Variants in CLVS1 observed in about 807,000 individuals in gnomAD.
CLVS1 encodes clavesin-1.
A neutral mutation model predicts 33.1 loss-of-function variants in CLVS1; 10 were observed. The observed-to-expected ratio is 0.30, with a 90% CI of 0.19 to 0.51. The LOEUF (loss-of-function observed/expected upper bound fraction) is 0.51. CLVS1 is among the 20% of genes least tolerant of loss of function. The pLI, the probability that CLVS1 is intolerant of heterozygous loss-of-function variation, is 0.97. For synonymous variants in CLVS1, 163 were observed against 166.1 expected (o/e 0.98, Z 0.14); for missense variants, 343 against 433.4 (o/e 0.79, Z 1.85).
At chr8:60,969,232 G>C in the CLVS1 span, among the ~76,000 whole-genome samples, 3 of 152,206 alleles carry the variant, frequency 2.0e-5, no homozygotes, top group African/African-American at 7.2e-5. Context: ...GTGGAACAGG[G>C]GTTGGGGGTT....
intron 1 of CLVS1, 98 bp from the exon 2 acceptor site, chr8:61,299,579 C>A (rs1471664245): frequency 2.1e-6 from 1 of 481,674 alleles, no homozygotes. Context: ...AGACCCACAG[C>A]CTAATATACT....
At chr8:61,473,280 T>A (rs1346393446) in intron 5 of CLVS1, among the ~76,000 whole-genome samples, 2 of 143,608 alleles carry the variant, frequency 1.4e-5, no homozygotes, top group Non-Finnish European at 3.0e-5. Flanking sequence ...TTCCATCACA[T>A]TAAAAATCCC....
At chr8:61,042,912 T>C in the CLVS1 span, among the ~76,000 whole-genome samples, 4 of 152,208 alleles carry the variant, frequency 2.6e-5, no homozygotes, top group African/African-American at 9.7e-5. Flanking sequence ...GGCAAATGTA[T>C]ACTGTAGGAA....
chr8:61,329,857 A>T (rs745710303), intron 2 of CLVS1, among the ~76,000 whole-genome samples: 2 of 152,186 alleles, frequency 1.3e-5, no homozygotes, highest in Non-Finnish European at 2.9e-5. Context: ...TGCTTTAATA[A>T]GAATTTCTTG....
intron 1 of CLVS1, among the ~76,000 whole-genome samples, chr8:61,066,585 C>G (rs1052450850): frequency 6.6e-6 from 1 of 152,172 alleles, no homozygotes; most frequent in Non-Finnish European, 1.5e-5. Context: ...TCCTTCTCTA[C>G]CCCACCTCCT....
At chr8:61,160,257 A>G (rs1224661224) in intron 2 of CLVS1, among the ~76,000 whole-genome samples, 1 of 152,236 alleles carries the variant, frequency 6.6e-6, no homozygotes, top group Admixed American at 6.5e-5. Flanking sequence ...ATCAGTACCA[A>G]TATTAAGTCA....
At chr8:61,486,342 C>A (rs2129608415) in intron 5 of CLVS1, among the ~76,000 whole-genome samples, 1 of 152,058 alleles carries the variant, frequency 6.6e-6, no homozygotes, top group Middle Eastern at 3.4e-3. Flanking sequence ...AATTAATGGG[C>A]AAAGAGGGAC....
intron 1 of CLVS1, among the ~76,000 whole-genome samples, chr8:61,117,583 G>T (rs1419498677): frequency 6.7e-6 from 1 of 149,186 alleles, no homozygotes; most frequent in South Asian, 2.1e-4. Flanking sequence ...TAGCATGAAG[G>T]GTTGTTGAAT....
chr8:61,256,317 A>G (rs904905285), intron 2 of CLVS1, among the ~76,000 whole-genome samples: 1 of 152,232 alleles, frequency 6.6e-6, no homozygotes. Flanking sequence ...GATCAAGACC[A>G]TCCTGGCTAA....
chr8:60,984,245 T>C, the CLVS1 span, among the ~76,000 whole-genome samples: 1 of 152,328 alleles, frequency 6.6e-6, no homozygotes, highest in East Asian at 1.9e-4. Context: ...TAAGACCCTA[T>C]TGTCTTTAAC....
intron 2 of CLVS1, among the ~76,000 whole-genome samples, chr8:61,301,530 A>G (rs1401698166): frequency 6.6e-6 from 1 of 152,248 alleles, no homozygotes; most frequent in African/African-American, 2.4e-5. Flanking sequence ...TACCGTTATC[A>G]TAGCTAACAT....
At chr8:61,065,395 T>C (rs1804658897) in intron 1 of CLVS1, among the ~76,000 whole-genome samples, 1 of 152,192 alleles carries the variant, frequency 6.6e-6, no homozygotes, top group Non-Finnish European at 1.5e-5. Flanking sequence ...AAGTGGTACC[T>C]ATGGATACAG....
At chr8:61,264,460 G>C (rs922309395) in intron 2 of CLVS1, among the ~76,000 whole-genome samples, 1 of 152,174 alleles carries the variant, frequency 6.6e-6, no homozygotes, top group Admixed American at 6.5e-5. Context: ...TTACAGGTAA[G>C]TGTCTTTTAA....
chr8:61,367,687 C>T (rs1813269261), intron 2 of CLVS1, among the ~76,000 whole-genome samples: 1 of 152,188 alleles, frequency 6.6e-6, no homozygotes, highest in African/African-American at 2.4e-5. Flanking sequence ...TGCTGTGATC[C>T]TCCTCCTACA....
the CLVS1 span, among the ~76,000 whole-genome samples, chr8:61,006,017 T>C: frequency 6.6e-6 from 1 of 152,188 alleles, no homozygotes; most frequent in African/African-American, 2.4e-5. Flanking sequence ...CATGACAATA[T>C]GGGTGACTTT....
In CLVS1 at chr8:61,142,188, G is replaced by T. The variant is rs1806319634; in HGVS notation, c.-152+10328G>T. 1.3e-5 allele frequency among the ~76,000 whole-genome samples: 2 copies of T among 152,266 alleles called. 1 individual carries two copies. The highest frequency in any genetic ancestry group is 1.3e-4 in the Admixed American group (2 of 15,302). Reference sequence around the variant, plus strand: ...GGGAGATGATTGGATCATGGGGGTGGTTTCCCCCATGCTGTTCTCGTGATA... The same window carrying T: ...GGGAGATGATTGGATCATGGGGGTGTTTTCCCCCATGCTGTTCTCGTGATA... On this transcript the variant is annotated intron_variant, in intron 2 of 2. Coordinates refer to the CLVS1 transcript ENST00000522621.
At chr8:61,194,238 C>T (rs1376883866) in intron 2 of CLVS1, among the ~76,000 whole-genome samples, 1 of 151,924 alleles carries the variant, frequency 6.6e-6, no homozygotes, top group Admixed American at 6.6e-5. Flanking sequence ...TGACTAGATG[C>T]TCCAGTTAAA....
intron 5 of CLVS1, among the ~76,000 whole-genome samples, chr8:61,492,435 C>T (rs1264376823): frequency 6.6e-6 from 1 of 152,136 alleles, no homozygotes; most frequent in Middle Eastern, 3.2e-3. Context: ...CCTCAGTAGC[C>T]TCTTGTGGTC....
chr8:61,187,420 T>C (rs1280634025), intron 2 of CLVS1, among the ~76,000 whole-genome samples: 2 of 152,162 alleles, frequency 1.3e-5, no homozygotes, highest in Admixed American at 6.6e-5. Flanking sequence ...TGTGCTGACC[T>C]TCCCCCATTA....
Sources: allele counts gnomAD v4.1 joint callset (sites outside exome capture counted in the v4.1 genomes callset), GRCh38; gene constraint gnomAD v4.1.1; transcripts MANE v1.5; gene names NCBI Gene and HGNC (gene_info 2026-07-23, HGNC 2026-07-21).